The following IDH2 variants were observed in gnomAD, a reference collection of about 807,000 sequenced individuals.
The protein encoded by IDH2 is isocitrate dehydrogenase [NADP], mitochondrial.
In IDH2, 18 loss-of-function variants were observed where a neutral mutation model predicts 50.5. The observed-to-expected ratio is 0.36, with a 90% CI of 0.25 to 0.53. IDH2 has a LOEUF of 0.53. Ranked by LOEUF, IDH2 falls within the 20% of genes least tolerant of loss-of-function variation. The pLI is 0.92. For missense variants in IDH2, 518 were observed against 610.7 expected, an observed-to-expected ratio of 0.85 and a Z score of 1.60; for synonymous variants, 280 against 239.8, an observed-to-expected ratio of 1.17 and a Z score of -1.55.
At chr15:90,099,527 G>A (rs1226229074) in intron 1 of IDH2, among the ~76,000 whole-genome samples, 2 of 152,182 alleles carry the variant, frequency 1.3e-5, no homozygotes, top group South Asian at 2.1e-4. Context: ...GAGTGCAGTG[G>A]CACAATTGTA....
At position 90,084,311 on chromosome 15, in the gene IDH2, G is replaced by C. The variant is rs578203629; in HGVS notation, c.1314C>G (p.Leu438=). ...TGTCCAGGTTGCTCTTGATGGTGTC[G>C]AGGAAGTCCGTGGTGTTCAGGAAGT... ...NEHFLNTTDF[L]DTIKSNLDRA... Residue 438 remains leucine (L), a synonymous_variant, in exon 11 of 11, where the codon CTC becomes CTG. Coordinates refer to ENST00000330062, the MANE Select transcript of IDH2 (RefSeq NM_002168.4). The surrounding 1 kb of genome is among the most constrained non-coding windows in gnomAD (Gnocchi z 5.0). 2.5e-5 allele frequency: 41 copies of C among 1,613,922 alleles called. No individual in the cohort carries two copies. Among genetic ancestry groups the C allele is most frequent in the Non-Finnish European group, 3.3e-5 (39 of 1,180,018 alleles).
At position 90,085,553 on chromosome 15, in the gene IDH2, C is replaced by T. The variant is rs532865842; in HGVS notation, c.968-166G>A. On this transcript the variant is annotated intron_variant, in intron 7 of 10. Coordinates refer to ENST00000330062, the MANE Select transcript of IDH2 (RefSeq NM_002168.4). The surrounding 1 kb of genome is among the most constrained non-coding windows in gnomAD (Gnocchi z 5.5). ...ACAGGGACTGTTCCAGGTCTCTTCACCCTCCTGTGGGTCTCCAGGGCCCAG... is the reference window on the plus strand; with the variant it reads ...ACAGGGACTGTTCCAGGTCTCTTCATCCTCCTGTGGGTCTCCAGGGCCCAG... Among the ~76,000 whole-genome samples the T allele has an allele frequency of 2.0e-5, 3 of 152,338 alleles. No homozygotes were observed. The East Asian group carries it at 5.8e-4, about 29-fold the overall frequency.
At chr15:90,088,207 C>G (rs954323438) in intron 5 of IDH2, 152 bp downstream of exon 5, 4 of 1,022,154 alleles carry the variant, frequency 3.9e-6, no homozygotes, top group Non-Finnish European at 6.1e-6. Flanking sequence ...GCCGGGATTA[C>G]AAGTGTCAGC....
intron 1 of IDH2, among the ~76,000 whole-genome samples, chr15:90,099,921 G>A (rs756193144): frequency 1.3e-5 from 2 of 152,308 alleles, no homozygotes; most frequent in Non-Finnish European, 2.9e-5. Context: ...CTGGCACAAA[G>A]TAGGAGTATA....
rs942251460 is a variant in IDH2 at position 90,084,449 on chromosome 15, A to G, written c.1272-96T>C. ...AGGGAACAGCCTGAGCTTGGGCATC[A>G]GAACAGCCATCTCCTGCCACCCAGA... On this transcript the variant is annotated intron_variant, in intron 10 of 10. Transcript: ENST00000330062. The surrounding 1 kb of genome is among the most constrained non-coding windows in gnomAD (Gnocchi z 5.0). 1.1e-5 allele frequency: 12 copies of G among 1,119,838 alleles called. No individual in the cohort carries two copies. The highest frequency in any genetic ancestry group is 6.6e-5 in the South Asian group (5 of 76,034). 69.4% of individuals were successfully genotyped at this position (1,119,838 alleles called of 1,614,324 possible). A position where few individuals can be genotyped will look rare whatever the true frequency, so the allele number is the denominator to read the frequency against.
intron 1 of IDH2, among the ~76,000 whole-genome samples, chr15:90,097,002 C>T (rs1029806538): frequency 3.9e-5 from 6 of 152,096 alleles, no homozygotes; most frequent in Non-Finnish European, 5.9e-5. Context: ...ATATCGAAAG[C>T]GGGGTCTGAA....
At chr15:90,095,068 G>T (rs1161643136) in intron 1 of IDH2, among the ~76,000 whole-genome samples, 4 of 148,328 alleles carry the variant, frequency 2.7e-5, no homozygotes, top group East Asian at 2.0e-4. Flanking sequence ...CAAAGAGTTT[G>T]TTTTTTTTTT....
At chr15:90,097,697 T>A (rs1461404722) in intron 1 of IDH2, among the ~76,000 whole-genome samples, 1 of 151,954 alleles carries the variant, frequency 6.6e-6, no homozygotes, top group Non-Finnish European at 1.5e-5. Flanking sequence ...GTTTCATGGG[T>A]AGAGAGTTTC....
Position 90,087,578 on chromosome 15 carries a change from G to A in IDH2, c.679-3C>T, listed in dbSNP as rs369238286. On this transcript the variant is annotated splice_region_variant and splice_polypyrimidine_tract_variant and intron_variant, in intron 5 of 10. Transcript: ENST00000330062. The stretch of plus-strand genomic sequence containing the variant: ...CTGTGCGCAAAACCTGAGATGGACT[G>A]CAGGGGGAGAGACAGGGCCCTGGCG... 13 of 1,613,046 alleles carry A rather than the reference G, an allele frequency of 8.1e-6. No homozygotes were observed. Among genetic ancestry groups the A allele is most frequent in the South Asian group, 1.1e-5 (1 of 91,032 alleles).
chr15:90,092,099 C>A (rs955468756), intron 1 of IDH2, among the ~76,000 whole-genome samples: 1 of 152,172 alleles, frequency 6.6e-6, no homozygotes, highest in Admixed American at 6.5e-5. Flanking sequence ...GGAAAGCAAG[C>A]TCAGGACCCC....
Position 90,083,745 on chromosome 15 carries a change from G to A in IDH2, c.*521C>T. On this transcript the variant is annotated 3_prime_UTR_variant, in exon 11 of 11. Transcript: ENST00000330062. ...GAATGGAGAACTGGACACAGAAACT[G>A]GATCATGCTAGAAAATTCCAGGGAA... 1 of 197,598 alleles carries A rather than the reference G, an allele frequency of 5.1e-6. No individual in the cohort carries two copies. The allele number at this position is 197,598 out of a possible 1,614,324, so 12.2% of individuals were successfully genotyped here. A position where few individuals can be genotyped will look rare whatever the true frequency, so the allele number is the denominator to read the frequency against.
In IDH2 at chr15:90,093,015, T is replaced by C. The variant is rs1320283536; in HGVS notation, c.116-1371A>G. Among the ~76,000 whole-genome samples the C allele has an allele frequency of 2.6e-5, 4 of 151,910 alleles. No homozygotes were observed. The East Asian group carries it at 7.7e-4, about 29-fold the overall frequency. ...CCCAGCCCACCAGTGGCCAAGAGGG[T>C]GGGGGCCAGTCTGGCCTGTCAGACC... On this transcript the variant is annotated intron_variant, in intron 1 of 10. Coordinates refer to ENST00000330062, the MANE Select transcript of IDH2 (RefSeq NM_002168.4).
In IDH2 at chr15:90,087,251, G is replaced by A. The variant is rs765310294; in HGVS notation, c.828C>T (p.Thr276=). ...FQEIFDKHYK[T]DFDKNKIWYE... is the part of the protein sequence containing the mutation. ...ACCAGATCTTATTCTTGTCGAAGTC[G>A]GTCTTATAGTGCCTGGGAGTAAAAA... Residue 276 remains threonine (T), a synonymous_variant, in exon 7 of 11, where the codon ACC becomes ACT. Coordinates refer to ENST00000330062, the MANE Select transcript of IDH2 (RefSeq NM_002168.4). 6.2e-7 allele frequency: 1 copy of A among 1,614,094 alleles called. No homozygotes were observed. The highest frequency in any genetic ancestry group is 1.1e-5 in the South Asian group (1 of 91,078).
At chr15:90,099,877 T>C (rs1901284427) in intron 1 of IDH2, among the ~76,000 whole-genome samples, 1 of 152,210 alleles carries the variant, frequency 6.6e-6, no homozygotes, top group Non-Finnish European at 1.5e-5. Flanking sequence ...GCTGGTTTTA[T>C]TCCCAGCTCT....
At chr15:90,091,170 G>A (rs899432465) in intron 2 of IDH2, among the ~76,000 whole-genome samples, 2 of 152,168 alleles carry the variant, frequency 1.3e-5, no homozygotes, top group Non-Finnish European at 2.9e-5. Context: ...ATGGTGGCTC[G>A]TCACAACTGC....
At chr15:90,092,318 C>G (rs945799514) in intron 1 of IDH2, among the ~76,000 whole-genome samples, 2 of 150,968 alleles carry the variant, frequency 1.3e-5, no homozygotes, top group Non-Finnish European at 3.0e-5. Context: ...GTTTAGAGCA[C>G]CTGGATCCAT....
chr15:90,096,303 AAAT>A (rs1167305301), intron 1 of IDH2, among the ~76,000 whole-genome samples: 2 of 152,148 alleles, frequency 1.3e-5, no homozygotes, highest in Non-Finnish European at 2.9e-5. Context: ...ATCTCAAAAT[AAAT>A]AAATAAATAT....
At chr15:90,099,286 C>T (rs1901268100) in intron 1 of IDH2, among the ~76,000 whole-genome samples, 3 of 152,182 alleles carry the variant, frequency 2.0e-5, no homozygotes, top group Admixed American at 6.5e-5. Context: ...AGCCAGCCTT[C>T]GCACCATCCT....
chr15:90,093,301 C>T (rs1901092715), intron 1 of IDH2, among the ~76,000 whole-genome samples: 1 of 152,258 alleles, frequency 6.6e-6, no homozygotes, highest in Non-Finnish European at 1.5e-5. Context: ...GTAGCTGGGG[C>T]TACAGGCCCA....
Sources: allele counts gnomAD v4.1 joint callset (sites outside exome capture counted in the v4.1 genomes callset), GRCh38; gene constraint gnomAD v4.1.1; non-coding constraint Gnocchi (gnomAD v3.1); transcripts MANE v1.5; gene names NCBI Gene and HGNC (gene_info 2026-07-23, HGNC 2026-07-21).